Variants in ITPR1 observed in about 807,000 individuals in gnomAD.
The protein encoded by ITPR1 is inositol 1,4,5-trisphosphate-gated calcium channel ITPR1.
ITPR1 carries 96 observed loss-of-function variants against 318.4 expected under a neutral mutation model. The ratio of observed to expected loss-of-function variants is 0.30; its 90% CI spans 0.26 to 0.36. The LOEUF (loss-of-function observed/expected upper bound fraction) is 0.36. ITPR1 is among the 10% of genes least tolerant of loss of function. The probability of loss-of-function intolerance (pLI) is 1.00; values close to 1 mark genes in which losing one functional copy is unlikely to be tolerated. For missense variants in ITPR1, 2,440 were observed against 3,460.2 expected, an observed-to-expected ratio of 0.71 and a Z score of 7.40; for synonymous variants, 1,312 against 1,289.9, an observed-to-expected ratio of 1.02 and a Z score of -0.37.
intron 4 of ITPR1, among the ~76,000 whole-genome samples, chr3:4,570,904 A>G (rs753354238): frequency 6.6e-6 from 1 of 152,296 alleles, no homozygotes; most frequent in East Asian, 1.9e-4. Flanking sequence ...TTTTTTGTAC[A>G]TGTGTCTGTG....
intron 2 of ITPR1, among the ~76,000 whole-genome samples, chr3:4,505,285 T>C (rs1443915774): frequency 6.6e-6 from 1 of 152,178 alleles, no homozygotes; most frequent in Non-Finnish European, 1.5e-5. Context: ...CTCCACCTCA[T>C]AGGTTCATGC....
chr3:4,814,046 T>G (rs901853), intron 57 of ITPR1, among the ~76,000 whole-genome samples: 145,962 of 152,292 alleles, frequency 0.96, 69,967 homozygotes, highest in East Asian at 1. Context: ...GAGGAACCTG[T>G]GTCCTGTGGC....
chr3:4,822,228 G>C (rs142954832), intron 60 of ITPR1, among the ~76,000 whole-genome samples: 1 of 152,188 alleles, frequency 6.6e-6, no homozygotes, highest in Non-Finnish European at 1.5e-5. Flanking sequence ...GGGAGCAGGC[G>C]AAAGAGCAAC....
intron 40 of ITPR1, among the ~76,000 whole-genome samples, chr3:4,723,172 A>T (rs948312911): frequency 1.3e-5 from 2 of 152,196 alleles, no homozygotes; most frequent in African/African-American, 4.8e-5. Context: ...ACACAAAAAA[A>T]GAATATTTGC....
At chr3:4,764,580 A>C (rs2045683450) in intron 44 of ITPR1, among the ~76,000 whole-genome samples, 1 of 152,226 alleles carries the variant, frequency 6.6e-6, no homozygotes, top group African/African-American at 2.4e-5. Flanking sequence ...AAGATGAAAC[A>C]AGGCATGGAG....
intron 4 of ITPR1, 147 bp from the exon 5 acceptor site, chr3:4,627,615 AT>A: frequency 3.8e-6 from 2 of 524,812 alleles, no homozygotes; most frequent in South Asian, 5.5e-5. Context: ...TCAAAAAGAG[AT>A]TTGTCAAAGA....
rs147083130 is a variant in ITPR1 at position 4,638,100 on chromosome 3, G to A, written c.280-1284G>A. Among the ~76,000 whole-genome samples the A allele has an allele frequency of 4.6e-5, 7 of 152,170 alleles. No homozygotes were observed. In the East Asian group the frequency reaches 5.8e-4, roughly 13 times the overall value. The stretch of plus-strand genomic sequence containing the variant: ...AAGATAATGAAGCCGGTAGGTAGGC[G>A]ACCCAAGACCACGTCCAGAAGACTC... On this transcript the variant is annotated intron_variant, in intron 5 of 61. Coordinates refer to ENST00000649015, the MANE Select transcript of ITPR1 (RefSeq NM_001378452.1).
At chr3:4,713,855 C>T (rs1031142029) in intron 39 of ITPR1, among the ~76,000 whole-genome samples, 8 of 152,112 alleles carry the variant, frequency 5.3e-5, no homozygotes, top group African/African-American at 1.9e-4. Context: ...CATTCCCATC[C>T]ATGAATGTGA....
chr3:4,787,080 G>C (rs6809847), intron 51 of ITPR1, among the ~76,000 whole-genome samples: 81,140 of 151,958 alleles, frequency 0.53, 22,275 homozygotes, highest in East Asian at 0.89. Context: ...ACTAGCCACA[G>C]GTGTTAGTGA....
intron 17 of ITPR1, among the ~76,000 whole-genome samples, chr3:4,666,568 C>G (rs376198053): frequency 6.6e-6 from 1 of 152,192 alleles, no homozygotes; most frequent in Admixed American, 6.5e-5. Context: ...TAAGTTCCTA[C>G]ACAATGCCTC....
intron 55 of ITPR1, among the ~76,000 whole-genome samples, chr3:4,809,062 C>T (rs1162466484): frequency 6.6e-6 from 1 of 152,190 alleles, no homozygotes; most frequent in Admixed American, 6.5e-5. Flanking sequence ...TAAAACAGCG[C>T]AATCCTGTGT....
At chr3:4,585,042 G>A (rs752409105) in intron 4 of ITPR1, among the ~76,000 whole-genome samples, 32 of 152,292 alleles carry the variant, frequency 2.1e-4, no homozygotes, top group Middle Eastern at 3.4e-3. Context: ...GTGAGAGCTG[G>A]TGAGACCCAC....
At chr3:4,675,540 C>T (rs912858714) in intron 23 of ITPR1, among the ~76,000 whole-genome samples, 8 of 152,112 alleles carry the variant, frequency 5.3e-5, no homozygotes, top group East Asian at 1.9e-4. Context: ...ATGTATGAGT[C>T]GTGTGTATAT....
intron 4 of ITPR1, among the ~76,000 whole-genome samples, chr3:4,590,719 C>CT (rs561157105): frequency 4.6e-5 from 7 of 151,644 alleles, no homozygotes; most frequent in African/African-American, 9.7e-5. Flanking sequence ...GTTTTTGTGT[C>CT]TTTTTTTTAA....
At chr3:4,578,207 A>C (rs1211767996) in intron 4 of ITPR1, among the ~76,000 whole-genome samples, 3 of 152,226 alleles carry the variant, frequency 2.0e-5, no homozygotes, top group African/African-American at 7.2e-5. Flanking sequence ...TCTTTTTAAA[A>C]ATGGTTTGAT....
intron 44 of ITPR1, among the ~76,000 whole-genome samples, chr3:4,756,966 T>G (rs1371373534): frequency 6.6e-6 from 1 of 152,258 alleles, no homozygotes; most frequent in Admixed American, 6.5e-5. Flanking sequence ...ACCTACTGTT[T>G]CATAACAACC....
chr3:4,746,876 AG>A (rs2044147831), intron 44 of ITPR1, among the ~76,000 whole-genome samples: 1 of 152,204 alleles, frequency 6.6e-6, no homozygotes, highest in Non-Finnish European at 1.5e-5. Flanking sequence ...AACTCGCCCA[AG>A]GGTGCACTTT....
intron 21 of ITPR1, 100 bp downstream of exon 21, chr3:4,673,487 G>GA: frequency 8.2e-7 from 1 of 1,226,812 alleles, no homozygotes. Flanking sequence ...TGAAGTGTTG[G>GA]TTTTTTCTTC....
Position 4,744,926 on chromosome 3 carries a change from T to C in ITPR1, c.5544+9572T>C, listed in dbSNP as rs113653032. ...CTTCCTTCCTTCCTTCCTTCCTTCCTTCCTTCCTTCCTTCCTTCCTTCCCT... is the reference window on the plus strand; with the variant it reads ...CTTCCTTCCTTCCTTCCTTCCTTCCCTCCTTCCTTCCTTCCTTCCTTCCCT... On this transcript the variant is annotated intron_variant, in intron 44 of 61. Transcript: ENST00000649015. Among the ~76,000 whole-genome samples, 116 of 40,738 alleles carry C rather than the reference T, an allele frequency of 2.8e-3. 3 individuals are homozygous for C. In the East Asian group the frequency reaches 0.047, roughly 16 times the overall value. 26.7% of individuals were successfully genotyped at this position (40,738 alleles called of 152,430 possible).
Sources: gnomAD v4.1 joint callset for allele counts (sites outside exome capture counted in the v4.1 genomes callset) on GRCh38, gnomAD v4.1.1 for gene constraint, MANE v1.5 for transcripts, NCBI Gene and HGNC (gene_info 2026-07-23, HGNC 2026-07-21) for gene names.